Variants in OR1J2 observed in about 807,000 individuals in gnomAD.
OR1J2 encodes olfactory receptor 1J2.
For missense variants in OR1J2, 304 were observed against 246.1 expected, an observed-to-expected ratio of 1.24 and a Z score of -1.57; for synonymous variants, 142 against 99.7, an observed-to-expected ratio of 1.42 and a Z score of -2.52.
At chr9:122,500,718 G>A in the OR1J2 span, among the ~76,000 whole-genome samples, 1 of 152,108 alleles carries the variant, frequency 6.6e-6, no homozygotes, top group African/African-American at 2.4e-5. Flanking sequence ...AATTTGTAGG[G>A]GAGAAGTCAA....
At chr9:122,556,381 G>A in the OR1J2 span, among the ~76,000 whole-genome samples, 2 of 151,644 alleles carry the variant, frequency 1.3e-5, no homozygotes, top group South Asian at 4.2e-4. Context: ...TCAAAAATCA[G>A]TTGACTCTAC....
chr9:122,449,763 A>G, the OR1J2 span, among the ~76,000 whole-genome samples: 1 of 152,148 alleles, frequency 6.6e-6, no homozygotes, highest in African/African-American at 2.4e-5. Context: ...TAACAAATCA[A>G]CAAAGAGGTG....
the OR1J2 span, chr9:122,554,090 T>C: frequency 2.6e-5 from 42 of 1,613,576 alleles, no homozygotes; most frequent in Non-Finnish European, 3.6e-5. Context: ...CATTCATTTA[T>C]AGCTTGAGGA....
the OR1J2 span, chr9:122,449,037 G>A: frequency 1.1e-4 from 16 of 149,464 alleles, no homozygotes; most frequent in Non-Finnish European, 2.1e-4. Context: ...AGAACAAGAT[G>A]ACGTTTCTGC....
At chr9:122,508,293 A>G (rs552982151), upstream of OR1J2, among the ~76,000 whole-genome samples, 2 of 152,232 alleles carry the variant, frequency 1.3e-5, no homozygotes, top group African/African-American at 2.4e-5. Flanking sequence ...ACTGACCTCA[A>G]TATGTATGTT....
At chr9:122,465,235 A>G in the OR1J2 span, among the ~76,000 whole-genome samples, 15 of 152,276 alleles carry the variant, frequency 9.9e-5, no homozygotes, top group African/African-American at 3.4e-4. Context: ...TGCTCATGGG[A>G]CAGGCAATGA....
In OR1J2 at chr9:122,511,295, G is replaced by A. The variant is rs4836891; in HGVS notation, c.494G>A (p.Arg165Gln). 69,227 of 734,194 alleles carry A rather than the reference G, an allele frequency of 0.094. 4,556 individuals carry two copies. The highest frequency in any genetic ancestry group is 0.24 in the East Asian group (9,935 of 40,926). The allele number at this position is 734,194 out of a possible 1,614,324, so 45.5% of individuals were successfully genotyped here. Residue 165 changes from arginine to glutamine, a missense_variant, in exon 1 of 1, where the codon CGG (arginine) becomes CAG (glutamine). Arg to Gln is a conservative substitution (Grantham distance 43). Transcript: ENST00000335302. Reference protein sequence around the residue: ...SSLSHTLLLTRLSFCAANTIP... With the variant: ...SSLSHTLLLTQLSFCAANTIP... Reference sequence around the variant, plus strand: ...CTCTCTCACACCCTTCTCCTGACCCGGCTGTCTTTCTGTGCTGCGAACACC... The same window carrying A: ...CTCTCTCACACCCTTCTCCTGACCCAGCTGTCTTTCTGTGCTGCGAACACC...
At chr9:122,562,138 G>A in the OR1J2 span, among the ~76,000 whole-genome samples, 2 of 152,246 alleles carry the variant, frequency 1.3e-5, no homozygotes, top group African/African-American at 4.8e-5. Context: ...CAGCCGGTGT[G>A]TTTGGCTGTG....
chr9:122,494,469 A>G, the OR1J2 span, among the ~76,000 whole-genome samples: 3 of 151,984 alleles, frequency 2.0e-5, no homozygotes, highest in Non-Finnish European at 4.4e-5. Context: ...CTGTTTCTTT[A>G]AAGTTTGTTT....
At chr9:122,512,970 G>A (rs111962519), downstream of OR1J2, among the ~76,000 whole-genome samples, 200 of 152,268 alleles carry the variant, frequency 1.3e-3, no homozygotes, top group African/African-American at 4.5e-3. Flanking sequence ...ATTAAATTGT[G>A]TATTGGTTAG....
At chr9:122,526,029 A>G in the OR1J2 span, among the ~76,000 whole-genome samples, 2 of 152,186 alleles carry the variant, frequency 1.3e-5, no homozygotes, top group African/African-American at 4.8e-5. Flanking sequence ...TATTGAACAA[A>G]TATATCTCAG....
the OR1J2 span, among the ~76,000 whole-genome samples, chr9:122,538,582 A>G: frequency 6.6e-6 from 1 of 152,174 alleles, no homozygotes; most frequent in Admixed American, 6.5e-5. Flanking sequence ...GTGAACAGAG[A>G]TAATATGACT....
downstream of OR1J2, among the ~76,000 whole-genome samples, chr9:122,512,722 T>C (rs1371921601): frequency 1.3e-5 from 2 of 152,206 alleles, no homozygotes; most frequent in Admixed American, 1.3e-4. Flanking sequence ...CGCCAACCTA[T>C]ATATGTAATG....
chr9:122,469,498 C>T, the OR1J2 span, among the ~76,000 whole-genome samples: 10 of 152,078 alleles, frequency 6.6e-5, no homozygotes, highest in South Asian at 6.2e-4. Context: ...CTTTTTCTTC[C>T]GAGTCTTGGG....
chr9:122,479,127 A>G, the OR1J2 span, among the ~76,000 whole-genome samples: 1 of 152,194 alleles, frequency 6.6e-6, no homozygotes, highest in Non-Finnish European at 1.5e-5. Context: ...ATATTCCTCC[A>G]GGCTCAACCA....
the OR1J2 span, among the ~76,000 whole-genome samples, chr9:122,467,921 C>G: frequency 6.6e-6 from 1 of 152,200 alleles, no homozygotes; most frequent in Non-Finnish European, 1.5e-5. Flanking sequence ...TTACATTATT[C>G]ATTATTCCAG....
chr9:122,526,773 T>C, the OR1J2 span: 2 of 1,613,808 alleles, frequency 1.2e-6, no homozygotes, highest in Admixed American at 3.3e-5. Flanking sequence ...ACAGAAAAAG[T>C]GAGCAATTTC....
the OR1J2 span, chr9:122,567,153 T>C: frequency 3.2e-5 from 5 of 156,774 alleles, no homozygotes; most frequent in Admixed American, 2.6e-4. Flanking sequence ...TCAATTTTTT[T>C]GCAAAAACAT....
chr9:122,578,007 G>C, the OR1J2 span, among the ~76,000 whole-genome samples: 5 of 152,148 alleles, frequency 3.3e-5, no homozygotes, highest in African/African-American at 9.7e-5. Context: ...TGGATGTGGT[G>C]AAAAGGAAAA....
Sources: allele counts gnomAD v4.1 joint callset (sites outside exome capture counted in the v4.1 genomes callset), GRCh38; gene constraint gnomAD v4.1.1; transcripts MANE v1.5; gene names NCBI Gene and HGNC (gene_info 2026-07-23, HGNC 2026-07-21).